The following AFF3 variants were observed in gnomAD, a reference collection of about 807,000 sequenced individuals.
The protein encoded by AFF3 is AF4/FMR2 family member 3.
Under a neutral mutation model 129.7 loss-of-function variants are expected in AFF3, and 32 were observed. That is an observed-to-expected ratio of 0.25 (90% CI 0.19 to 0.33). The LOEUF is 0.33. Among genes scored for constraint, AFF3 ranks in the 10% least tolerant of loss-of-function variants. The probability of loss-of-function intolerance (pLI) is 1.00; values close to 1 mark genes in which losing one functional copy is unlikely to be tolerated. For synonymous variants in AFF3, 644 were observed against 635.4 expected (o/e 1.01, Z -0.20); for missense variants, 1,373 against 1,592.0 (o/e 0.86, Z 2.34).
chr2:99,661,435 T>G (rs915010283), intron 12 of AFF3, among the ~76,000 whole-genome samples: 2 of 152,244 alleles, frequency 1.3e-5, no homozygotes, highest in Non-Finnish European at 2.9e-5. Flanking sequence ...GTTTCCCATT[T>G]TTGTCTTAAT....
chr2:99,757,034 C>T (rs560764867), intron 8 of AFF3, among the ~76,000 whole-genome samples: 1 of 152,320 alleles, frequency 6.6e-6, no homozygotes, highest in Admixed American at 6.5e-5. Flanking sequence ...GTGGCTCCCA[C>T]GCTGTCCTCC....
intron 2 of AFF3, chr2:100,107,544 A>G: frequency 4.1e-6 from 4 of 979,908 alleles, no homozygotes; most frequent in Non-Finnish European, 4.8e-6. Context: ...CTCATCCTAT[A>G]GTGCTTGTGA....
intron 13 of AFF3, among the ~76,000 whole-genome samples, chr2:99,608,699 T>G (rs913591925): frequency 6.6e-6 from 1 of 152,178 alleles, no homozygotes; most frequent in Non-Finnish European, 1.5e-5. Context: ...CTAGCCTATC[T>G]CTGTACCTGG....
intron 4 of AFF3, among the ~76,000 whole-genome samples, chr2:100,011,870 A>G (rs1357848968): frequency 6.6e-6 from 1 of 152,190 alleles, no homozygotes; most frequent in African/African-American, 2.4e-5. Flanking sequence ...ATACATTTCC[A>G]GGGTCTGGGA....
chr2:99,738,516 A>G (rs892556663), intron 10 of AFF3, among the ~76,000 whole-genome samples: 9 of 152,146 alleles, frequency 5.9e-5, no homozygotes, highest in African/African-American at 2.2e-4. Context: ...GACTGCAATT[A>G]TACTTGAAAC....
intron 11 of AFF3, among the ~76,000 whole-genome samples, chr2:99,683,085 T>C (rs1259791650): frequency 6.6e-6 from 1 of 152,218 alleles, no homozygotes; most frequent in African/African-American, 2.4e-5. Flanking sequence ...AGTGTCTACT[T>C]GAAATACCTA....
chr2:99,936,669 T>TG (rs896597076), intron 7 of AFF3, among the ~76,000 whole-genome samples: 6 of 151,946 alleles, frequency 3.9e-5, no homozygotes, highest in African/African-American at 1.5e-4. Flanking sequence ...GGCAGGAGGG[T>TG]GCATTCATTT....
intron 4 of AFF3, among the ~76,000 whole-genome samples, chr2:100,046,354 C>T (rs1308461987): frequency 6.6e-6 from 1 of 152,156 alleles, no homozygotes; most frequent in Non-Finnish European, 1.5e-5. Flanking sequence ...TACCAGAGTC[C>T]ATGTTCTTAA....
intron 8 of AFF3, among the ~76,000 whole-genome samples, chr2:99,822,181 A>G (rs1011562179): frequency 2.6e-5 from 4 of 152,150 alleles, no homozygotes; most frequent in Non-Finnish European, 5.9e-5. Flanking sequence ...AAGACGCTTC[A>G]TATCCCTGCG....
chr2:99,840,939 T>G (rs190136235), intron 7 of AFF3, among the ~76,000 whole-genome samples: 1 of 152,292 alleles, frequency 6.6e-6, no homozygotes, highest in Non-Finnish European at 1.5e-5. Flanking sequence ...TTATCCTACT[T>G]CTAAGTCCCA....
chr2:99,586,002 T>A (rs1455725064), intron 16 of AFF3, among the ~76,000 whole-genome samples: 3 of 152,228 alleles, frequency 2.0e-5, no homozygotes, highest in Non-Finnish European at 4.4e-5. Flanking sequence ...GTGCTGGGAT[T>A]ACAGGCGTGA....
At chr2:99,668,944 C>A (rs1244029932) in intron 12 of AFF3, among the ~76,000 whole-genome samples, 2 of 152,062 alleles carry the variant, frequency 1.3e-5, no homozygotes, top group South Asian at 4.1e-4. Flanking sequence ...TCAGTATTAC[C>A]CTGATATCAA....
At position 99,739,402 on chromosome 2, in the gene AFF3, T is replaced by C. The variant is rs527742754; in HGVS notation, c.1039+4702A>G. 6.6e-5 allele frequency among the ~76,000 whole-genome samples: 10 copies of C among 152,290 alleles called. No individual in the cohort carries two copies. In the East Asian group the frequency reaches 1.7e-3, roughly 26 times the overall value. Reference sequence around the variant, plus strand: ...TTCTGATGGTGCTATTTTGGATTTATTTCCATTTCTACAGCTTCATGGCTA... The same window carrying C: ...TTCTGATGGTGCTATTTTGGATTTACTTCCATTTCTACAGCTTCATGGCTA... On this transcript the variant is annotated intron_variant, in intron 10 of 24. Coordinates refer to ENST00000672756, the MANE Select transcript of AFF3 (RefSeq NM_001386135.1).
At chr2:100,026,195 C>A (rs1233108336) in intron 4 of AFF3, among the ~76,000 whole-genome samples, 1 of 151,882 alleles carries the variant, frequency 6.6e-6, no homozygotes. Context: ...ACAAACAAAT[C>A]AGTGAGAAAA....
chr2:99,786,934 T>A (rs1684840590), intron 8 of AFF3, among the ~76,000 whole-genome samples: 1 of 152,206 alleles, frequency 6.6e-6, no homozygotes, highest in Admixed American at 6.5e-5. Flanking sequence ...CATTATTTAT[T>A]GTATCTATAT....
intron 22 of AFF3, among the ~76,000 whole-genome samples, chr2:99,555,410 C>T (rs1238625903): frequency 1.3e-5 from 2 of 152,166 alleles, no homozygotes; most frequent in Non-Finnish European, 2.9e-5. Flanking sequence ...AGTATTTCTT[C>T]TTAAAGTAAG....
At chr2:99,730,502 T>C (rs2309723) in intron 10 of AFF3, among the ~76,000 whole-genome samples, 83,473 of 150,746 alleles carry the variant, frequency 0.55, 23,425 homozygotes, top group East Asian at 0.69. Context: ...CAGGGAAGTT[T>C]TGCTATACTG....
At chr2:99,785,699 T>A (rs908078374) in intron 8 of AFF3, among the ~76,000 whole-genome samples, 3 of 152,226 alleles carry the variant, frequency 2.0e-5, no homozygotes, top group Non-Finnish European at 4.4e-5. Context: ...ACTTTTCACA[T>A]ACACTCAAGA....
intron 7 of AFF3, among the ~76,000 whole-genome samples, chr2:99,867,956 C>T (rs369171425): frequency 2.3e-4 from 35 of 151,786 alleles, no homozygotes; most frequent in Non-Finnish European, 2.5e-4. Flanking sequence ...GAGAGATTAG[C>T]GTTCCCCCAC....
Sources: allele counts gnomAD v4.1 joint callset (sites outside exome capture counted in the v4.1 genomes callset), GRCh38; gene constraint gnomAD v4.1.1; transcripts MANE v1.5; gene names NCBI Gene and HGNC (gene_info 2026-07-23, HGNC 2026-07-21).